Variants in TP53I11 observed in about 807,000 individuals in gnomAD.
TP53I11 encodes the protein tumor protein p53-inducible protein 11.
A neutral mutation model predicts 23.3 loss-of-function variants in TP53I11; 9 were observed. That is an observed-to-expected ratio of 0.39 (90% confidence interval 0.23 to 0.67). TP53I11 has a LOEUF of 0.67. Ranked by LOEUF, TP53I11 falls within the 30% of genes least tolerant of loss-of-function variation. TP53I11 has a pLI of 0.48. For synonymous variants in TP53I11, 100 were observed against 106.1 expected (o/e 0.94, Z 0.35); for missense variants, 170 against 255.2 (o/e 0.67, Z 2.27).
In TP53I11 at chr11:44,938,332, C is replaced by A. The variant is rs1300491479; in HGVS notation, c.4G>T (p.Ala2Ser). The change falls in exon 2 of 7, where the codon GCG becomes TCG. Residue 2 changes from alanine (A) to serine (S), a missense_variant. By Grantham distance (99) the Ala-to-Ser change is moderately conservative. Transcript: ENST00000525680. M[A>S]AKQPPPLMKK... is the part of the protein sequence containing the mutation. Reference sequence around the variant, plus strand: ...ATCAGAGGCGGGGGCTGCTTGGCCGCCATCTTCTCCTCCAGCCCGGCCTCT... The same window carrying A: ...ATCAGAGGCGGGGGCTGCTTGGCCGACATCTTCTCCTCCAGCCCGGCCTCT... The A allele has an allele frequency of 5.0e-6, 8 of 1,598,988 alleles. No individual in the cohort carries two copies. The highest frequency in any genetic ancestry group is 8.5e-7 in the Non-Finnish European group (1 of 1,173,286).
At chr11:44,948,869 G>A (rs1349194994) in intron 1 of TP53I11, among the ~76,000 whole-genome samples, 4 of 152,244 alleles carry the variant, frequency 2.6e-5, no homozygotes, top group Non-Finnish European at 4.4e-5. Flanking sequence ...TTGGGAGGCT[G>A]GGTGTGAGCT....
chr11:44,935,105 C>CGTCTCCCT, intron 6 of TP53I11, 88 bp from the exon 7 acceptor site: 1 of 1,576,668 alleles, frequency 6.3e-7, no homozygotes, highest in Non-Finnish European at 8.6e-7. Context: ...CTGGTGTGGC[C>CGTCTCCCT]GTCTCCCTGA....
intron 1 of TP53I11, chr11:44,949,964 G>A: frequency 6.6e-6 from 1 of 152,422 alleles, no homozygotes; most frequent in Non-Finnish European, 1.5e-5. Flanking sequence ...CCCCGCTCCA[G>A]ACACTCACCC....
intron 1 of TP53I11, among the ~76,000 whole-genome samples, chr11:44,945,332 T>C (rs192052249): frequency 6.9e-4 from 105 of 152,236 alleles, no homozygotes; most frequent in African/African-American, 2.4e-3. Flanking sequence ...ATGGCCATAT[T>C]ATCACCCCCA....
intron 1 of TP53I11, among the ~76,000 whole-genome samples, chr11:44,947,440 G>A (rs1384515168): frequency 6.6e-6 from 1 of 152,194 alleles, no homozygotes; most frequent in Non-Finnish European, 1.5e-5. Context: ...CCCCGTGGCT[G>A]TTCAGGAACT....
Position 44,933,447 on chromosome 11 carries a change from C to T in TP53I11, c.*1437G>A, listed in dbSNP as rs1206897703. On this transcript the variant is annotated 3_prime_UTR_variant, in exon 7 of 7. Transcript: ENST00000525680. ...TTTCTCCCTACACCTGTCCCCAGGG[C>T]TTGGGCTCGCCACTTCCGGTGTGTG... is the stretch of plus-strand genomic sequence containing the variant. 1 of 152,816 alleles carries T rather than the reference C, an allele frequency of 6.5e-6. No homozygotes were observed. The highest frequency in any genetic ancestry group is 1.9e-4 in the East Asian group (1 of 5,216). 9.5% of individuals were successfully genotyped at this position (152,816 alleles called of 1,614,324 possible).
At position 44,934,523 on chromosome 11, in the gene TP53I11, G is replaced by T; in HGVS notation, c.*361C>A. 5.1e-6 allele frequency: 1 copy of T among 197,450 alleles called. No homozygotes were observed. 12.2% of individuals were successfully genotyped at this position (197,450 alleles called of 1,614,324 possible). ...CAAAAGCAAGAAGGGCTTCCTGGCAGAAGAGGCTGGACCCTCGACTTAGCC... is the reference window on the plus strand; with the variant it reads ...CAAAAGCAAGAAGGGCTTCCTGGCATAAGAGGCTGGACCCTCGACTTAGCC... On this transcript the variant is annotated 3_prime_UTR_variant, in exon 7 of 7. Transcript: ENST00000525680.
At chr11:44,944,719 C>T (rs966697237) in intron 1 of TP53I11, among the ~76,000 whole-genome samples, 3 of 152,178 alleles carry the variant, frequency 2.0e-5, no homozygotes, top group Admixed American at 2.0e-4. Flanking sequence ...TCTGTGAAAC[C>T]AGACTACTAC....
intron 6 of TP53I11, among the ~76,000 whole-genome samples, chr11:44,935,305 G>A (rs1041471145): frequency 1.9e-4 from 29 of 151,464 alleles, no homozygotes; most frequent in Admixed American, 1.6e-3. Context: ...TGGGGGGGCC[G>A]CAGGTACATG....
intron 6 of TP53I11, among the ~76,000 whole-genome samples, 179 bp from the exon 7 acceptor site, chr11:44,935,196 G>T (rs528319328): frequency 2.0e-5 from 3 of 152,328 alleles, no homozygotes; most frequent in African/African-American, 7.2e-5. Flanking sequence ...AGATGTTTCT[G>T]CTCTGATGTC....
chr11:44,939,126 CCT>C (rs1199765385), intron 1 of TP53I11: 1 of 152,236 alleles, frequency 6.6e-6, no homozygotes, highest in Non-Finnish European at 1.5e-5. Flanking sequence ...CGTGCCAGCC[CCT>C]GTGCTGGGCA....
At position 44,938,330 on chromosome 11, in the gene TP53I11, C is replaced by T. The variant is rs772104595; in HGVS notation, c.6G>A (p.Ala2=). The stretch of plus-strand genomic sequence containing the variant: ...TCATCAGAGGCGGGGGCTGCTTGGC[C>T]GCCATCTTCTCCTCCAGCCCGGCCT... The part of the protein sequence containing the change: M[A]AKQPPPLMKK... Residue 2 remains alanine (A), a synonymous_variant, in exon 2 of 7, where the codon GCG becomes GCA. Coordinates refer to ENST00000525680, the MANE Select transcript of TP53I11 (RefSeq NM_006034.5). 82 of 1,599,734 alleles carry T rather than the reference C, an allele frequency of 5.1e-5. No individual in the cohort carries two copies. The highest frequency in any genetic ancestry group is 1.7e-4 in the Middle Eastern group (1 of 6,034).
chr11:44,942,138 ACATACAT>A (rs1861877390), intron 1 of TP53I11, among the ~76,000 whole-genome samples: 1 of 146,764 alleles, frequency 6.8e-6, no homozygotes, highest in Non-Finnish European at 1.5e-5. Context: ...AACCCACCAC[ACATACAT>A]CACACACACC....
chr11:44,935,856 C>T, intron 5 of TP53I11, 194 bp from the exon 6 acceptor site: 1 of 601,212 alleles, frequency 1.7e-6, no homozygotes, highest in Non-Finnish European at 3.0e-6. Context: ...AGACTCAATG[C>T]TGCTGCTTCA....
At chr11:44,942,350 C>G (rs1565106326) in intron 1 of TP53I11, among the ~76,000 whole-genome samples, 1 of 148,304 alleles carries the variant, frequency 6.7e-6, no homozygotes, top group Non-Finnish European at 1.5e-5. Flanking sequence ...CACACACACC[C>G]CCACAACACA....
chr11:44,937,290 G>T lies in TP53I11; in HGVS notation c.237+14C>A. 6.6e-7 allele frequency: 1 copy of T among 1,519,604 alleles called. No homozygotes were observed. 94.1% of individuals were successfully genotyped at this position (1,519,604 alleles called of 1,614,324 possible). ...CACGGGGCCAGATCTCAGGGGCTGG[G>T]GGTGGGGGCTCACCATGATGGCAAT... On this transcript the variant is annotated intron_variant, in intron 4 of 6. Coordinates refer to ENST00000525680, the MANE Select transcript of TP53I11 (RefSeq NM_006034.5).
At chr11:44,941,603 G>A (rs1282918228) in intron 1 of TP53I11, among the ~76,000 whole-genome samples, 1 of 152,120 alleles carries the variant, frequency 6.6e-6, no homozygotes, top group Non-Finnish European at 1.5e-5. Flanking sequence ...AATAAAAGCT[G>A]TAATCTCCAT....
intron 2 of TP53I11, 138 bp from the exon 3 acceptor site, chr11:44,937,751 A>T: frequency 1.2e-6 from 1 of 819,884 alleles, no homozygotes; most frequent in East Asian, 2.7e-5. Flanking sequence ...CCAGGTGGGG[A>T]GGGTCACATG....
At position 44,933,032 on chromosome 11, in the gene TP53I11, C is replaced by CGGG. The variant is rs1860708759; in HGVS notation, c.*1851_*1852insCCC. The CGGG allele has an allele frequency of 6.6e-6, 1 of 152,628 alleles. No individual in the cohort carries two copies. The highest frequency in any genetic ancestry group is 1.5e-5 in the Non-Finnish European group (1 of 68,356). The allele number at this position is 152,628 out of a possible 1,614,324, so 9.5% of individuals were successfully genotyped here. On this transcript the variant is annotated 3_prime_UTR_variant, in exon 7 of 7. Transcript: ENST00000525680. Reference sequence around the variant, plus strand: ...CATTGGCGGCACCACCTGTGGGCAGCAGCGGGAGGCAGTGGTGGCTCGTGG... The same window carrying CGGG: ...CATTGGCGGCACCACCTGTGGGCAGCGGGAGCGGGAGGCAGTGGTGGCTCGTGG...
Sources: allele counts gnomAD v4.1 joint callset (sites outside exome capture counted in the v4.1 genomes callset), GRCh38; gene constraint gnomAD v4.1.1; transcripts MANE v1.5; gene names NCBI Gene and HGNC (gene_info 2026-07-23, HGNC 2026-07-21).